SLC26A8: variants seen among roughly 807,000 people sequenced by gnomAD.
The protein encoded by SLC26A8 is testis anion transporter 1.
In SLC26A8, 70 loss-of-function variants were observed where a neutral mutation model predicts 105.0. The ratio of observed to expected loss-of-function variants is 0.67; its 90% CI spans 0.55 to 0.81. The LOEUF (loss-of-function observed/expected upper bound fraction) is 0.81, where lower values mean the gene tolerates loss of function less well. SLC26A8 is among the 40% of genes least tolerant of loss of function. SLC26A8 has a pLI of 0.00. For synonymous variants in SLC26A8, 415 were observed against 438.3 expected (o/e 0.95, Z 0.66); for missense variants, 998 against 1,181.8 (o/e 0.84, Z 2.28).
intron 7 of SLC26A8, among the ~76,000 whole-genome samples, chr6:35,986,477 C>T (rs936047176): frequency 2.6e-5 from 4 of 152,076 alleles, no homozygotes; most frequent in African/African-American, 7.2e-5. Context: ...AATTTTGTAT[C>T]CTTTGGCCAA....
At chr6:35,986,161 T>C (rs779317778) in intron 7 of SLC26A8, among the ~76,000 whole-genome samples, 2 of 149,490 alleles carry the variant, frequency 1.3e-5, no homozygotes, top group Admixed American at 6.8e-5. Context: ...CAGTCTCCCA[T>C]GTAGCTGGGA....
intron 8 of SLC26A8, among the ~76,000 whole-genome samples, chr6:35,978,240 TA>T (rs751546875): frequency 0.073 from 10,955 of 150,756 alleles, 460 homozygotes; most frequent in Middle Eastern, 0.1. Context: ...TATAAAAGGA[TA>T]ATACACTATG....
chr6:36,011,737 A>C (rs1161622049), intron 3 of SLC26A8, among the ~76,000 whole-genome samples: 1 of 151,750 alleles, frequency 6.6e-6, no homozygotes, highest in African/African-American at 2.4e-5. Flanking sequence ...CCTCCAGAGT[A>C]ACTAAGACTA....
chr6:36,014,759 G>A (rs372413469), intron 2 of SLC26A8, among the ~76,000 whole-genome samples: 1 of 151,946 alleles, frequency 6.6e-6, no homozygotes, highest in East Asian at 1.9e-4. Context: ...CCAGCTACTC[G>A]GGAGGCTGAG....
chr6:36,021,404 T>C (rs1762123593), intron 1 of SLC26A8, among the ~76,000 whole-genome samples: 1 of 152,116 alleles, frequency 6.6e-6, no homozygotes, highest in Non-Finnish European at 1.5e-5. Flanking sequence ...TCCAATGTAC[T>C]TCCATGAGTA....
Position 35,943,741 on chromosome 6 carries a change from C to G in SLC26A8, c.*159G>C. ...AGTAATGTGATTTGGGAGTATGATC[C>G]CAGCGCAGAGCAAGGAAGAAGGCTG... is the stretch of plus-strand genomic sequence containing the variant. On this transcript the variant is annotated 3_prime_UTR_variant, in exon 20 of 20. Coordinates refer to ENST00000490799, the MANE Select transcript of SLC26A8 (RefSeq NM_052961.4). The G allele has an allele frequency of 3.8e-6, 4 of 1,055,676 alleles. No individual in the cohort carries two copies. Among genetic ancestry groups the G allele is most frequent in the Non-Finnish European group, 5.3e-6 (4 of 751,418 alleles). 65.4% of individuals were successfully genotyped at this position (1,055,676 alleles called of 1,614,324 possible).
chr6:36,019,245 G>A (rs1011137684), intron 2 of SLC26A8, among the ~76,000 whole-genome samples: 1 of 152,040 alleles, frequency 6.6e-6, no homozygotes, highest in East Asian at 1.9e-4. Flanking sequence ...ATTTTTGGTC[G>A]GGAGTCTGGT....
rs1006899923 is a variant in SLC26A8 at position 35,985,477 on chromosome 6, G to A, written c.943-3274C>T. Reference sequence around the variant, plus strand: ...TGGGAGGCCAAGGTGGGCAGATCACGAAGTCAGGAGATCGAGACCATCCTG... The same window carrying A: ...TGGGAGGCCAAGGTGGGCAGATCACAAAGTCAGGAGATCGAGACCATCCTG... On this transcript the variant is annotated intron_variant, in intron 7 of 19. Coordinates refer to ENST00000490799, the MANE Select transcript of SLC26A8 (RefSeq NM_052961.4). 2.0e-5 allele frequency among the ~76,000 whole-genome samples: 3 copies of A among 151,808 alleles called. 1 individual carries two copies. The highest frequency in any genetic ancestry group is 4.2e-4 in the South Asian group (2 of 4,806).
chr6:35,961,199 C>G, intron 12 of SLC26A8, 100 bp from the exon 13 acceptor site: 1 of 911,458 alleles, frequency 1.1e-6, no homozygotes, highest in Non-Finnish European at 1.7e-6. Flanking sequence ...CTCTCCCTTA[C>G]TACACCTGGG....
At chr6:35,977,374 T>C (rs768903797) in intron 8 of SLC26A8, 23 bp from the exon 9 acceptor site, 21 of 1,606,806 alleles carry the variant, frequency 1.3e-5, no homozygotes, top group Non-Finnish European at 3.4e-6. Context: ...AGTGGAATTA[T>C]TTCTGGATAG....
At chr6:35,958,228 G>C (rs927909296) in intron 16 of SLC26A8, among the ~76,000 whole-genome samples, 3 of 152,096 alleles carry the variant, frequency 2.0e-5, no homozygotes, top group African/African-American at 7.2e-5. Context: ...AGCTGGGTGT[G>C]GTGGCTCACG....
intron 7 of SLC26A8, chr6:35,989,927 C>CTTTTTTTTTTTTTTTTTTTTTTTT (rs869306115): frequency 3.5e-5 from 3 of 84,572 alleles, no homozygotes; most frequent in African/African-American, 5.1e-5. Context: ...GTTTTCTTTT[C>CTTTTTTTTTTTTTTTTTTTTTTTT]TTTTTTTTTT....
intron 3 of SLC26A8, among the ~76,000 whole-genome samples, chr6:36,002,490 C>G (rs1761551834): frequency 6.6e-6 from 1 of 152,096 alleles, no homozygotes; most frequent in Admixed American, 6.6e-5. Context: ...TGACAGTTCC[C>G]ATTATCCACA....
chr6:36,006,261 A>G (rs890714503), intron 3 of SLC26A8, among the ~76,000 whole-genome samples: 5 of 152,122 alleles, frequency 3.3e-5, no homozygotes, highest in East Asian at 1.9e-4. Context: ...CTGGGATTAC[A>G]GGCACATACC....
Position 35,981,986 on chromosome 6 carries a change from G to A in SLC26A8, c.1025+135C>T. 1.2e-6 allele frequency: 1 copy of A among 813,386 alleles called. No individual in the cohort carries two copies. The highest frequency in any genetic ancestry group is 2.0e-6 in the Non-Finnish European group (1 of 505,854). The allele number at this position is 813,386 out of a possible 1,614,324, so 50.4% of individuals were successfully genotyped here. ...TTGTCCCTAGCCCTTCTCCTTTCAT[G>A]AACCTCTGTGTTCAAAAATGAATTT... is the stretch of plus-strand genomic sequence containing the variant. On this transcript the variant is annotated intron_variant, in intron 8 of 19. Transcript: ENST00000490799. The surrounding 1 kb of genome is among the most constrained non-coding windows in gnomAD (Gnocchi z 4.0).
intron 5 of SLC26A8, among the ~76,000 whole-genome samples, chr6:35,994,852 C>T (rs1030952395): frequency 6.6e-6 from 1 of 152,230 alleles, no homozygotes; most frequent in Non-Finnish European, 1.5e-5. Context: ...GCCGGAATTA[C>T]AGGCGTGAGC....
chr6:35,978,677 A>G (rs1035136885), intron 8 of SLC26A8, among the ~76,000 whole-genome samples: 4 of 152,172 alleles, frequency 2.6e-5, no homozygotes, highest in African/African-American at 4.8e-5. Flanking sequence ...ATATATTTCC[A>G]CAAAGCAAAT....
chr6:35,958,516 A>G (rs556185724), intron 16 of SLC26A8, among the ~76,000 whole-genome samples: 10 of 149,788 alleles, frequency 6.7e-5, no homozygotes, highest in African/African-American at 2.0e-4. Context: ...CAAGCCAGGT[A>G]TGGTGCTCAC....
At chr6:35,953,420 G>A (rs1357436573) in intron 17 of SLC26A8, among the ~76,000 whole-genome samples, 1 of 152,214 alleles carries the variant, frequency 6.6e-6, no homozygotes. Context: ...TATGAGCTGT[G>A]AGCCTCAGAC....
Sources: gnomAD v4.1 joint callset for allele counts (sites outside exome capture counted in the v4.1 genomes callset) on GRCh38, gnomAD v4.1.1 for gene constraint, Gnocchi (gnomAD v3.1) non-coding constraint, MANE v1.5 for transcripts, NCBI Gene and HGNC (gene_info 2026-07-23, HGNC 2026-07-21) for gene names.